SSBP2: variants seen among roughly 807,000 people sequenced by gnomAD.
SSBP2 encodes the protein single stranded DNA binding protein 2, also known as single-stranded DNA-binding protein 2.
Under a neutral mutation model 61.8 loss-of-function variants are expected in SSBP2, and 17 were observed. That is an observed-to-expected ratio of 0.28 (90% CI 0.19 to 0.41). The LOEUF is 0.41. SSBP2 is among the 10% of genes least tolerant of loss of function. The pLI is 1.00. For synonymous variants in SSBP2, 139 were observed against 141.3 expected (o/e 0.98, Z 0.12); for missense variants, 310 against 458.7 (o/e 0.68, Z 2.96).
intron 1 of SSBP2, among the ~76,000 whole-genome samples, chr5:81,723,554 G>A (rs572901159): frequency 4.6e-5 from 7 of 152,102 alleles, no homozygotes; most frequent in South Asian, 2.1e-4. Context: ...AAATTGATGC[G>A]CATTAACCCA....
At chr5:81,434,610 C>T (rs1580672446) in intron 15 of SSBP2, among the ~76,000 whole-genome samples, 1 of 92,666 alleles carries the variant, frequency 1.1e-5, no homozygotes, top group South Asian at 3.5e-4. Flanking sequence ...CCAGCCTGGG[C>T]AACAAGAGCG....
intron 1 of SSBP2, among the ~76,000 whole-genome samples, chr5:81,730,037 T>C (rs10942283): frequency 0.047 from 7,223 of 152,218 alleles, 218 homozygotes; most frequent in East Asian, 0.12. Flanking sequence ...AATACAGATA[T>C]ACAAAGTAAA....
At chr5:81,700,427 G>A (rs1244038592) in intron 1 of SSBP2, among the ~76,000 whole-genome samples, 1 of 152,168 alleles carries the variant, frequency 6.6e-6, no homozygotes, top group Non-Finnish European at 1.5e-5. Flanking sequence ...CATTTATAGT[G>A]CACAGGCAGA....
At chr5:81,466,575 T>C (rs892681921) in intron 9 of SSBP2, among the ~76,000 whole-genome samples, 8 of 152,004 alleles carry the variant, frequency 5.3e-5, no homozygotes, top group Non-Finnish European at 1.0e-4. Flanking sequence ...AAAATGAGGT[T>C]AACCGTATTC....
At chr5:81,680,007 A>G (rs1413096218) in intron 1 of SSBP2, among the ~76,000 whole-genome samples, 1 of 150,758 alleles carries the variant, frequency 6.6e-6, no homozygotes, top group Non-Finnish European at 1.5e-5. Context: ...TGGGCCATCT[A>G]CCTTCTGTCC....
Position 81,643,595 on chromosome 5 carries a change from CTTTTTTTTTTTTTTT to C in SSBP2, c.135+6657_135+6671del, listed in dbSNP as rs368511957. Among the ~76,000 whole-genome samples the C allele has an allele frequency of 1.0e-2, 601 of 60,284 alleles. 14 individuals are homozygous for C. Among genetic ancestry groups the C allele is most frequent in the African/African-American group, 0.036 (570 of 15,794 alleles). 39.5% of individuals were successfully genotyped at this position (60,284 alleles called of 152,430 possible). A position where few individuals can be genotyped will look rare whatever the true frequency, so the allele number is the denominator to read the frequency against. The stretch of plus-strand genomic sequence containing the variant: ...AAATTGAAGTAAACATTTTTCCTTT[CTTTTTTTTTTTTTTT>C]TTTTTTTTTTGAGATGGAGTCTTGC... On this transcript the variant is annotated intron_variant, in intron 2 of 16. Coordinates refer to ENST00000320672, the MANE Select transcript of SSBP2 (RefSeq NM_012446.5).
chr5:81,576,435 G>A (rs1006718814), intron 4 of SSBP2, among the ~76,000 whole-genome samples: 2 of 152,028 alleles, frequency 1.3e-5, no homozygotes, highest in African/African-American at 2.4e-5. Context: ...AGTAAATGGT[G>A]TAAGTATCAT....
At chr5:81,737,061 T>C (rs907524868) in intron 1 of SSBP2, among the ~76,000 whole-genome samples, 5 of 152,156 alleles carry the variant, frequency 3.3e-5, no homozygotes, top group Non-Finnish European at 7.3e-5. Context: ...AAATCACTTT[T>C]TAAAAATTCA....
chr5:81,635,241 A>G (rs1748098712), intron 3 of SSBP2, among the ~76,000 whole-genome samples: 2 of 152,136 alleles, frequency 1.3e-5, no homozygotes, highest in African/African-American at 4.8e-5. Flanking sequence ...AATCCATTTG[A>G]TTAGTTCAGT....
At chr5:81,534,645 G>C (rs1770675931) in intron 4 of SSBP2, among the ~76,000 whole-genome samples, 1 of 151,932 alleles carries the variant, frequency 6.6e-6, no homozygotes, top group Admixed American at 6.6e-5. Context: ...TGTGGCAATA[G>C]AAATTTCAAA....
At chr5:81,500,484 C>T (rs1402986089) in intron 5 of SSBP2, among the ~76,000 whole-genome samples, 4 of 151,362 alleles carry the variant, frequency 2.6e-5, no homozygotes, top group African/African-American at 9.7e-5. Flanking sequence ...AGTGCTGGAA[C>T]GGAGTCTCAC....
chr5:81,522,781 C>G (rs190733492), intron 4 of SSBP2, among the ~76,000 whole-genome samples: 172 of 152,140 alleles, frequency 1.1e-3, no homozygotes, highest in African/African-American at 3.9e-3. Context: ...CACTTAGTCA[C>G]CCACTCACAG....
chr5:81,663,688 G>C (rs1370759016), intron 1 of SSBP2, among the ~76,000 whole-genome samples: 1 of 150,714 alleles, frequency 6.6e-6, no homozygotes, highest in African/African-American at 2.4e-5. Flanking sequence ...CTGTCAACCT[G>C]ACCATAATAT....
chr5:81,653,344 T>A (rs1378951986), intron 1 of SSBP2, among the ~76,000 whole-genome samples: 1 of 152,206 alleles, frequency 6.6e-6, no homozygotes, highest in Non-Finnish European at 1.5e-5. Flanking sequence ...ATCCAGTCTA[T>A]CACTGATGGG....
intron 4 of SSBP2, among the ~76,000 whole-genome samples, chr5:81,611,545 G>A (rs1261336894): frequency 2.0e-5 from 3 of 152,074 alleles, no homozygotes; most frequent in Admixed American, 6.5e-5. Flanking sequence ...AGTTAAAAAT[G>A]CATGCTATTT....
At chr5:81,707,156 T>C (rs752791818) in intron 1 of SSBP2, among the ~76,000 whole-genome samples, 3 of 151,550 alleles carry the variant, frequency 2.0e-5, no homozygotes, top group Non-Finnish European at 2.9e-5. Flanking sequence ...AAATGAGGAG[T>C]TTCTATTAAG....
intron 1 of SSBP2, among the ~76,000 whole-genome samples, chr5:81,736,498 A>C (rs1756636156): frequency 6.6e-6 from 1 of 152,184 alleles, no homozygotes; most frequent in Admixed American, 6.5e-5. Context: ...CGAATTTAAA[A>C]GGGTGCTTTT....
At chr5:81,508,143 G>A (rs573366277) in intron 5 of SSBP2, among the ~76,000 whole-genome samples, 1 of 152,106 alleles carries the variant, frequency 6.6e-6, no homozygotes, top group Non-Finnish European at 1.5e-5. Flanking sequence ...ACTCAGTTCT[G>A]GGTACCTACA....
intron 4 of SSBP2, among the ~76,000 whole-genome samples, chr5:81,542,865 C>CT (rs1400269524): frequency 1.5e-5 from 2 of 131,038 alleles, no homozygotes; most frequent in South Asian, 2.5e-4. Context: ...TTTCTTTCTT[C>CT]TTTTTTTGAG....
Sources: gnomAD v4.1 joint callset for allele counts (sites outside exome capture counted in the v4.1 genomes callset) on GRCh38, gnomAD v4.1.1 for gene constraint, MANE v1.5 for transcripts, NCBI Gene and HGNC (gene_info 2026-07-23, HGNC 2026-07-21) for gene names.